Variants in PLXDC1 observed in about 807,000 individuals in gnomAD.
PLXDC1 encodes plexin domain containing 1.
Under a neutral mutation model 61.3 loss-of-function variants are expected in PLXDC1, and 39 were observed. The observed-to-expected ratio is 0.64, with a 90% CI of 0.49 to 0.83. The LOEUF is 0.83. PLXDC1 is among the 40% of genes least tolerant of loss of function. PLXDC1 has a pLI of 0.00. For synonymous variants in PLXDC1, 212 were observed against 254.5 expected (o/e 0.83, Z 1.59); for missense variants, 596 against 666.5 (o/e 0.89, Z 1.17).
intron 7 of PLXDC1, among the ~76,000 whole-genome samples, chr17:39,089,575 G>A (rs1042133477): frequency 2.0e-5 from 3 of 152,168 alleles, no homozygotes; most frequent in South Asian, 2.1e-4. Context: ...TTCCATTTAA[G>A]CGAGTTTGAA....
chr17:39,109,967 A>C lies in PLXDC1; in HGVS notation c.256-576T>G, dbSNP rs56014087. ...AGACCAGCCTGGACAAAACAGCGAA[A>C]CCTCGTCTTTACTAAATATACAAAA... On this transcript the variant is annotated intron_variant, in intron 2 of 13. Coordinates refer to ENST00000315392, the MANE Select transcript of PLXDC1 (RefSeq NM_020405.5). 5.1e-3 allele frequency among the ~76,000 whole-genome samples: 771 copies of C among 152,060 alleles called. 5 individuals carry two copies. Among genetic ancestry groups the C allele is most frequent in the African/African-American group, 0.018 (744 of 41,456 alleles).
At chr17:39,071,862 T>G (rs1165340357) in intron 12 of PLXDC1, among the ~76,000 whole-genome samples, 1 of 152,142 alleles carries the variant, frequency 6.6e-6, no homozygotes, top group East Asian at 1.9e-4. Flanking sequence ...TCATCTCTAC[T>G]CTTGCACAGG....
intron 9 of PLXDC1, chr17:39,079,953 G>T (rs1412195396): frequency 5.1e-6 from 1 of 197,678 alleles, no homozygotes; most frequent in African/African-American, 2.3e-5. Context: ...GGCTTGCCAG[G>T]AGCTGTCAGT....
intron 8 of PLXDC1, among the ~76,000 whole-genome samples, chr17:39,086,437 C>T (rs551099042): frequency 6.6e-6 from 1 of 152,324 alleles, no homozygotes; most frequent in South Asian, 2.1e-4. Context: ...CTTCCTCTTC[C>T]TTCTCCACCC....
rs1908886218 is a variant in PLXDC1 at position 39,066,036 on chromosome 17, T to C, written c.*1804A>G. Reference sequence around the variant, plus strand: ...CCTGTGTCCCAACCACTCAGGTGCTTTGCCTCTCAACAGAATCCACCTGCA... The same window carrying C: ...CCTGTGTCCCAACCACTCAGGTGCTCTGCCTCTCAACAGAATCCACCTGCA... On this transcript the variant is annotated 3_prime_UTR_variant, in exon 14 of 14. Transcript: ENST00000315392. 2 of 152,262 alleles carry C rather than the reference T, an allele frequency of 1.3e-5. No homozygotes were observed. Among genetic ancestry groups the C allele is most frequent in the Admixed American group, 1.3e-4 (2 of 15,272 alleles). The allele number at this position is 152,262 out of a possible 1,614,324, so 9.4% of individuals were successfully genotyped here. A position where few individuals can be genotyped will look rare whatever the true frequency, so the allele number is the denominator to read the frequency against.
At chr17:39,132,579 G>C (rs1911601132) in intron 2 of PLXDC1, among the ~76,000 whole-genome samples, 1 of 152,218 alleles carries the variant, frequency 6.6e-6, no homozygotes, top group Admixed American at 6.5e-5. Flanking sequence ...GGGAGGGCAG[G>C]CTAGACGCCT....
chr17:39,147,823 G>A (rs2045351899), intron 1 of PLXDC1, among the ~76,000 whole-genome samples: 2 of 152,186 alleles, frequency 1.3e-5, no homozygotes, highest in African/African-American at 4.8e-5. Flanking sequence ...TTGAGTCGCA[G>A]GCACTGTGCT....
chr17:39,130,728 T>C (rs1255654894), intron 2 of PLXDC1, among the ~76,000 whole-genome samples: 1 of 151,888 alleles, frequency 6.6e-6, no homozygotes, highest in African/African-American at 2.4e-5. Context: ...GCCCGGCTAA[T>C]TTTGTATTAT....
chr17:39,079,393 T>C (rs1381759834), intron 9 of PLXDC1: 4 of 584,058 alleles, frequency 6.8e-6, no homozygotes, highest in African/African-American at 5.5e-5. Flanking sequence ...CATCTGCCCA[T>C]GTGAGTAGGT....
intron 1 of PLXDC1, among the ~76,000 whole-genome samples, chr17:39,146,585 G>A (rs1453034947): frequency 6.6e-6 from 1 of 151,914 alleles, no homozygotes; most frequent in East Asian, 2.0e-4. Flanking sequence ...GCCAAGACAG[G>A]AGGATTACCT....
chr17:39,068,077 G>A, intron 13 of PLXDC1, 118 bp from the exon 14 acceptor site: 1 of 920,274 alleles, frequency 1.1e-6, no homozygotes, highest in Non-Finnish European at 1.6e-6. Context: ...GGGCACTTGG[G>A]CCTACCAGGA....
intron 2 of PLXDC1, among the ~76,000 whole-genome samples, chr17:39,126,048 G>A (rs527323): frequency 0.22 from 32,742 of 152,060 alleles, 5,673 homozygotes; most frequent in African/African-American, 0.48. Flanking sequence ...GAGGTCAGGA[G>A]TTCGAGACCA....
chr17:39,087,632 C>G lies in PLXDC1; in HGVS notation c.882G>C (p.Ser294=). ...ELDPSKVTSM[S]AVEFTPLPTC... ...TCGGCAATGGGGTGAACTCCACGGCCGACATGCTGGTGACCTTGCTGGGGT... is the reference window on the plus strand; with the variant it reads ...TCGGCAATGGGGTGAACTCCACGGCGGACATGCTGGTGACCTTGCTGGGGT... Residue 294 remains serine (S), a synonymous_variant, in exon 8 of 14, where the codon TCG becomes TCC. Coordinates refer to ENST00000315392, the MANE Select transcript of PLXDC1 (RefSeq NM_020405.5). 6.2e-7 allele frequency: 1 copy of G among 1,613,964 alleles called. No individual in the cohort carries two copies. Among genetic ancestry groups the G allele is most frequent in the Non-Finnish European group, 8.5e-7 (1 of 1,179,904 alleles).
At chr17:39,113,012 G>C (rs1287652229) in intron 2 of PLXDC1, 1 of 152,208 alleles carries the variant, frequency 6.6e-6, no homozygotes, top group African/African-American at 2.4e-5. Context: ...CTTTGCAGAT[G>C]AAACAAGTCA....
chr17:39,108,325 A>C, intron 4 of PLXDC1, 80 bp from the exon 5 acceptor site: 1 of 1,468,592 alleles, frequency 6.8e-7, no homozygotes, highest in Non-Finnish European at 9.5e-7. Flanking sequence ...CAAGGGCAAG[A>C]AGGGCAGCGC....
rs3025175 is a variant in PLXDC1, at chr17:39,132,898, C to T, written c.255+6756G>A. 4.3e-4 allele frequency among the ~76,000 whole-genome samples: 65 copies of T among 152,278 alleles called. 1 individual carries two copies. In the East Asian group the frequency reaches 0.012, roughly 28 times the overall value. ...GGCCCCAGAGCAGAGGGTCCCAGAGCCTGGTTGCTGTTGGCCAAACCCAGC... is the reference window on the plus strand; with the variant it reads ...GGCCCCAGAGCAGAGGGTCCCAGAGTCTGGTTGCTGTTGGCCAAACCCAGC... On this transcript the variant is annotated intron_variant, in intron 2 of 13. Coordinates refer to ENST00000315392, the MANE Select transcript of PLXDC1 (RefSeq NM_020405.5).
At chr17:39,086,754 T>C (rs903914065) in intron 8 of PLXDC1, among the ~76,000 whole-genome samples, 10 of 143,496 alleles carry the variant, frequency 7.0e-5, no homozygotes, top group African/African-American at 2.6e-4. Flanking sequence ...CCCAGCTACT[T>C]GGGAGGCTGA....
chr17:39,067,855 C>A lies in PLXDC1; in HGVS notation c.1488G>T (p.Glu496Asp). The A allele has an allele frequency of 6.2e-7, 1 of 1,614,026 alleles. No homozygotes were observed. The part of the protein sequence containing the change: ...PSGHEKEGFM[E>D]AEQC The stretch of plus-strand genomic sequence containing the variant: ...CTTGGTGTTCTCAGCACTGCTCAGC[C>A]TCCATGAAGCCCTCCTTCTCATGGC... The change falls in exon 14 of 14, where the codon GAG becomes GAT. Residue 496 changes from glutamate (E) to aspartate (D), a missense_variant. By Grantham distance (45) the Glu-to-Asp change is conservative (BLOSUM62 2). Coordinates refer to ENST00000315392, the MANE Select transcript of PLXDC1 (RefSeq NM_020405.5).
rs570112278 is a variant in PLXDC1, at chr17:39,128,183, A to G, written c.255+11471T>C. On this transcript the variant is annotated intron_variant, in intron 2 of 13. Transcript: ENST00000315392. ...TATATGTATATATATGTATATATATATGTGTGTATATATATGTATATATAT... is the reference window on the plus strand; with the variant it reads ...TATATGTATATATATGTATATATATGTGTGTGTATATATATGTATATATAT... 7.4e-3 allele frequency among the ~76,000 whole-genome samples: 973 copies of G among 132,274 alleles called. 24 individuals are homozygous for G. The highest frequency in any genetic ancestry group is 0.026 in the African/African-American group (922 of 35,308). The allele number at this position is 132,274 out of a possible 152,430, so 86.8% of individuals were successfully genotyped here. A position where few individuals can be genotyped will look rare whatever the true frequency, so the allele number is the denominator to read the frequency against.
Sources: allele counts gnomAD v4.1 joint callset (sites outside exome capture counted in the v4.1 genomes callset), GRCh38; gene constraint gnomAD v4.1.1; transcripts MANE v1.5; gene names NCBI Gene and HGNC (gene_info 2026-07-23, HGNC 2026-07-21).